Variants in FAM185A observed in about 807,000 individuals in gnomAD.
FAM185A encodes protein FAM185A.
Under a neutral mutation model 45.7 loss-of-function variants are expected in FAM185A, and 21 were observed. That is an observed-to-expected ratio of 0.46 (90% CI 0.33 to 0.66). The LOEUF is 0.66. FAM185A is among the 30% of genes least tolerant of loss of function. The pLI, the probability that FAM185A is intolerant of heterozygous loss-of-function variation, is 0.03. For synonymous variants in FAM185A, 117 were observed against 194.0 expected, an observed-to-expected ratio of 0.60 and a Z score of 3.30; for missense variants, 305 against 485.4, an observed-to-expected ratio of 0.63 and a Z score of 3.49.
Position 102,777,272 on chromosome 7 carries a change from A to C in FAM185A, c.855A>C (p.Leu285=), listed in dbSNP as rs1276078377. Residue 285 remains leucine, a synonymous_variant, in exon 6 of 8, where the codon CTA becomes CTC. Transcript: ENST00000413034. The part of the protein sequence containing the change: ...NITVDSSSGC[L]KASTNQGAID... Reference sequence around the variant, plus strand: ...TCCTAGATTCGTCTTCTGGATGTCTAAAAGCCTCAACTAATCAGGGTGCCA... The same window carrying C: ...TCCTAGATTCGTCTTCTGGATGTCTCAAAGCCTCAACTAATCAGGGTGCCA... 3 of 1,545,992 alleles carry C rather than the reference A, an allele frequency of 1.9e-6. No individual in the cohort carries two copies. Among genetic ancestry groups the C allele is most frequent in the Non-Finnish European group, 2.6e-6 (3 of 1,144,900 alleles).
chr7:102,776,985 C>T (rs187118343), intron 5 of FAM185A, among the ~76,000 whole-genome samples: 247 of 152,222 alleles, frequency 1.6e-3, no homozygotes, highest in African/African-American at 5.8e-3. Context: ...CTCCTTCCGA[C>T]TCATTAAGTT....
chr7:102,750,026 C>T (rs918593880), intron 1 of FAM185A, among the ~76,000 whole-genome samples: 3 of 152,092 alleles, frequency 2.0e-5, no homozygotes, highest in Admixed American at 2.0e-4. Context: ...ATCTACATTT[C>T]ATCTTGCTCA....
chr7:102,786,694 G>A (rs1795819430), intron 6 of FAM185A, among the ~76,000 whole-genome samples: 3 of 152,126 alleles, frequency 2.0e-5, no homozygotes, highest in Admixed American at 2.0e-4. Context: ...CAGGGCAGTG[G>A]GGAGGGATAG....
the FAM185A span, among the ~76,000 whole-genome samples, chr7:102,843,611 C>T: frequency 1.3e-5 from 2 of 151,790 alleles, no homozygotes; most frequent in South Asian, 2.1e-4. Context: ...CCCGTCTCTA[C>T]GAAAAATACA....
chr7:102,818,760 A>G, the FAM185A span, among the ~76,000 whole-genome samples: 2 of 152,260 alleles, frequency 1.3e-5, no homozygotes, highest in Middle Eastern at 6.8e-3. Context: ...GAAATATATC[A>G]AAAGTTCCCT....
At chr7:102,824,299 A>G in the FAM185A span, among the ~76,000 whole-genome samples, 1 of 152,242 alleles carries the variant, frequency 6.6e-6, no homozygotes, top group Non-Finnish European at 1.5e-5. Flanking sequence ...TTTTTAAATG[A>G]AATTATTTTA....
At chr7:102,848,862 T>C in the FAM185A span, among the ~76,000 whole-genome samples, 243 of 152,028 alleles carry the variant, frequency 1.6e-3, no homozygotes, top group African/African-American at 5.1e-3. Context: ...TAGCCAGGCA[T>C]GATGGTGCAT....
chr7:102,809,054 A>T lies in FAM185A; in HGVS notation c.*652A>T, dbSNP rs1336020949. Reference sequence around the variant, plus strand: ...ATAGGAGTGATGGCCCATCACATTCAGTTTTCACTCCCACTCAAGGAAAGG... The same window carrying T: ...ATAGGAGTGATGGCCCATCACATTCTGTTTTCACTCCCACTCAAGGAAAGG... On this transcript the variant is annotated 3_prime_UTR_variant, in exon 8 of 8. Coordinates refer to ENST00000413034, the MANE Select transcript of FAM185A (RefSeq NM_001145268.2). 6.6e-6 allele frequency: 1 copy of T among 152,270 alleles called. No homozygotes were observed. The highest frequency in any genetic ancestry group is 1.5e-5 in the Non-Finnish European group (1 of 68,076). 9.4% of individuals were successfully genotyped at this position (152,270 alleles called of 1,614,324 possible).
At chr7:102,821,552 T>A in the FAM185A span, among the ~76,000 whole-genome samples, 1 of 152,292 alleles carries the variant, frequency 6.6e-6, no homozygotes, top group South Asian at 2.1e-4. Flanking sequence ...TAGTATTAAT[T>A]TTTCACATCT....
the FAM185A span, among the ~76,000 whole-genome samples, chr7:102,828,941 TAG>T: frequency 2.6e-5 from 4 of 152,142 alleles, no homozygotes; most frequent in Non-Finnish European, 4.4e-5. Context: ...CTCCCTTTTG[TAG>T]ATTGTCATTC....
At position 102,749,162 on chromosome 7, in the gene FAM185A, C is replaced by T. The variant is rs976617084; in HGVS notation, c.-46C>T. ...AGTCGATTGGCCGTGGCAAGTGACC[C>T]TCCCTGTGGCTGAAGTGTTCTGAGG... On this transcript the variant is annotated 5_prime_UTR_variant, in exon 1 of 8. Transcript: ENST00000413034. 1.9e-6 allele frequency: 3 copies of T among 1,550,624 alleles called. No homozygotes were observed. Among genetic ancestry groups the T allele is most frequent in the African/African-American group, 1.4e-5 (1 of 73,054 alleles).
rs539029997 is a variant in FAM185A at position 102,779,016 on chromosome 7, T to C, written c.931+1668T>C. Among the ~76,000 whole-genome samples, 20 of 152,380 alleles carry C rather than the reference T, an allele frequency of 1.3e-4. 1 individual carries two copies. In the South Asian group the frequency reaches 3.9e-3, roughly 30 times the overall value. On this transcript the variant is annotated intron_variant, in intron 6 of 7. Transcript: ENST00000413034. Reference sequence around the variant, plus strand: ...ATGAAAATTAATATGGTGACCTTCTTAATTCATTCCAGGCTATGCTTGGGC... The same window carrying C: ...ATGAAAATTAATATGGTGACCTTCTCAATTCATTCCAGGCTATGCTTGGGC...
chr7:102,755,091 C>T (rs1288165414), intron 2 of FAM185A: 1 of 376,752 alleles, frequency 2.7e-6, no homozygotes, highest in African/African-American at 2.1e-5. Flanking sequence ...TTCATGTGAG[C>T]TTGGTTAAGA....
At chr7:102,812,465 CCTGA>C (rs370204965), downstream of FAM185A, among the ~76,000 whole-genome samples, 5 of 152,030 alleles carry the variant, frequency 3.3e-5, no homozygotes, top group African/African-American at 9.7e-5. Flanking sequence ...TTAATTTGCC[CCTGA>C]CTAAGTCAAA....
At chr7:102,751,449 T>A (rs1350572722) in intron 1 of FAM185A, among the ~76,000 whole-genome samples, 1 of 151,976 alleles carries the variant, frequency 6.6e-6, no homozygotes, top group Non-Finnish European at 1.5e-5. Flanking sequence ...ACTTCCCATC[T>A]ATGTTAGTTC....
At chr7:102,804,883 A>C (rs1584370072) in intron 7 of FAM185A, among the ~76,000 whole-genome samples, 1 of 152,254 alleles carries the variant, frequency 6.6e-6, no homozygotes, top group African/African-American at 2.4e-5. Flanking sequence ...ATGAAAAGAC[A>C]ATTCTCATAA....
the FAM185A span, among the ~76,000 whole-genome samples, chr7:102,844,490 G>A: frequency 3.8e-4 from 58 of 152,280 alleles, no homozygotes; most frequent in African/African-American, 1.3e-3. Flanking sequence ...GATAGAGTGG[G>A]AGAGAGAATG....
intron 1 of FAM185A, among the ~76,000 whole-genome samples, chr7:102,751,292 G>A (rs368681498): frequency 6.6e-6 from 1 of 152,270 alleles, no homozygotes; most frequent in Non-Finnish European, 1.5e-5. Context: ...TCAAATACCT[G>A]TGATATAGTT....
At chr7:102,757,030 ATAG>A (rs773179526) in intron 2 of FAM185A, among the ~76,000 whole-genome samples, 119 of 150,138 alleles carry the variant, frequency 7.9e-4, no homozygotes, top group Non-Finnish European at 1.3e-3. Context: ...TGATGAGCCA[ATAG>A]TAGTGTTTGC....
Sources: gnomAD v4.1 joint callset for allele counts (sites outside exome capture counted in the v4.1 genomes callset) on GRCh38, gnomAD v4.1.1 for gene constraint, MANE v1.5 for transcripts, NCBI Gene and HGNC (gene_info 2026-07-23, HGNC 2026-07-21) for gene names.